The following S100Z variants were observed in gnomAD, a reference collection of about 807,000 sequenced individuals.
S100Z encodes the protein protein S100-Z.
Under a neutral mutation model 8.5 loss-of-function variants are expected in S100Z, and 11 were observed. The ratio of observed to expected loss-of-function variants is 1.30; its 90% CI spans 0.82 to 2.15. The LOEUF is 2.15. Ranked by LOEUF, S100Z falls within the 30% of genes most tolerant of loss-of-function variation. The pLI, the probability that S100Z is intolerant of heterozygous loss-of-function variation, is 0.00. For missense variants in S100Z, 126 were observed against 117.9 expected, an observed-to-expected ratio of 1.07 and a Z score of -0.32; for synonymous variants, 34 against 43.8, an observed-to-expected ratio of 0.78 and a Z score of 0.89.
the S100Z span, among the ~76,000 whole-genome samples, chr5:76,944,011 T>A: frequency 0.013 from 2,028 of 152,316 alleles, 44 homozygotes; most frequent in African/African-American, 0.046. Context: ...GACTGAGTTT[T>A]TTTTTTGGCA....
the S100Z span, among the ~76,000 whole-genome samples, chr5:76,936,904 C>A: frequency 6.6e-6 from 1 of 152,138 alleles, no homozygotes; most frequent in South Asian, 2.1e-4. Context: ...AAGAGACGGT[C>A]TCTCCTTCGT....
chr5:76,936,464 A>G, the S100Z span, among the ~76,000 whole-genome samples: 3 of 152,012 alleles, frequency 2.0e-5, no homozygotes, highest in Non-Finnish European at 4.4e-5. Flanking sequence ...TTTCTTTTTT[A>G]TTTATATTTT....
intron 4 of S100Z, among the ~76,000 whole-genome samples, chr5:76,904,302 C>T (rs1404075129): frequency 6.6e-6 from 1 of 152,084 alleles, no homozygotes; most frequent in African/African-American, 2.4e-5. Flanking sequence ...TCAAGTGATC[C>T]TCCCACCTCA....
At chr5:76,860,091 G>A (rs1561222357) in intron 1 of S100Z, among the ~76,000 whole-genome samples, 1 of 152,170 alleles carries the variant, frequency 6.6e-6, no homozygotes, top group Admixed American at 6.5e-5. Flanking sequence ...GTTGACTCTA[G>A]ATGCTGAGGC....
At chr5:76,912,935 A>T (rs1561250413) in intron 4 of S100Z, among the ~76,000 whole-genome samples, 1 of 95,454 alleles carries the variant, frequency 1.0e-5, no homozygotes, top group African/African-American at 4.0e-5. Flanking sequence ...AGTCAGAGAG[A>T]CAGAGAGAGT....
chr5:76,936,486 T>A, the S100Z span, among the ~76,000 whole-genome samples: 2 of 152,196 alleles, frequency 1.3e-5, no homozygotes, highest in Middle Eastern at 6.8e-3. Context: ...AACAATTTTT[T>A]AAAACCATGA....
intron 1 of S100Z, among the ~76,000 whole-genome samples, chr5:76,865,239 T>TA (rs1561225047): frequency 2.4e-5 from 3 of 123,470 alleles, no homozygotes; most frequent in African/African-American, 6.4e-5. Context: ...GTGTCCTAGC[T>TA]CTTTTTTTTT....
At chr5:76,916,803 T>G (rs1331843247) in intron 4 of S100Z, among the ~76,000 whole-genome samples, 3 of 152,162 alleles carry the variant, frequency 2.0e-5, no homozygotes, top group Non-Finnish European at 4.4e-5. Context: ...GAGGCAAAGT[T>G]ATAGCATGAA....
At chr5:76,891,108 C>A (rs368706436) in intron 4 of S100Z, among the ~76,000 whole-genome samples, 2 of 152,144 alleles carry the variant, frequency 1.3e-5, no homozygotes, top group East Asian at 3.9e-4. Context: ...GTGATCTGCC[C>A]GCCTTGGGCT....
chr5:76,874,985 C>T (rs1328572770), intron 2 of S100Z, among the ~76,000 whole-genome samples: 1 of 152,008 alleles, frequency 6.6e-6, no homozygotes. Flanking sequence ...CCCGGGTTCA[C>T]GCCGTTCTCC....
At chr5:76,923,856 A>G (rs1172739410), downstream of S100Z, among the ~76,000 whole-genome samples, 1 of 152,126 alleles carries the variant, frequency 6.6e-6, no homozygotes, top group Non-Finnish European at 1.5e-5. Flanking sequence ...AAGAAATGAC[A>G]CTCCAAAATA....
the S100Z span, among the ~76,000 whole-genome samples, chr5:76,942,100 T>C: frequency 1.3e-5 from 2 of 151,906 alleles, no homozygotes; most frequent in African/African-American, 2.4e-5. Flanking sequence ...GGACCTACCA[T>C]ATAAATATTA....
chr5:76,936,616 T>TACACACACACACACACACACAC, the S100Z span, among the ~76,000 whole-genome samples: 2 of 134,068 alleles, frequency 1.5e-5, no homozygotes, highest in African/African-American at 5.6e-5. Flanking sequence ...TTAAAGTTCC[T>TACACACACACACACACACACAC]ACACACACAC....
At chr5:76,883,073 C>G (rs1294896398) in intron 4 of S100Z, among the ~76,000 whole-genome samples, 2 of 152,098 alleles carry the variant, frequency 1.3e-5, no homozygotes, top group Non-Finnish European at 2.9e-5. Context: ...AAAGGCCATG[C>G]TGTAACAGGC....
intron 2 of S100Z, 65 bp from the exon 3 acceptor site, chr5:76,875,239 G>A: frequency 1.1e-6 from 1 of 902,466 alleles, no homozygotes; most frequent in Non-Finnish European, 1.6e-6. Flanking sequence ...AGCTGACTCG[G>A]GGGATTGTAA....
intron 4 of S100Z, among the ~76,000 whole-genome samples, chr5:76,891,988 A>G (rs1743877370): frequency 6.6e-6 from 1 of 152,174 alleles, no homozygotes; most frequent in Non-Finnish European, 1.5e-5. Context: ...TAGGATTTGC[A>G]GTTTTTCCAA....
intron 2 of S100Z, 66 bp from the exon 3 acceptor site, chr5:76,875,238 G>A (rs1320309): frequency 0.6 from 525,070 of 877,452 alleles, 161,428 homozygotes; most frequent in Non-Finnish European, 0.64. Context: ...GAGCTGACTC[G>A]GGGGATTGTA....
chr5:76,934,231 A>C, the S100Z span, among the ~76,000 whole-genome samples: 2 of 152,328 alleles, frequency 1.3e-5, no homozygotes, highest in South Asian at 2.1e-4. Flanking sequence ...TGAGTGCTTA[A>C]AAAACACAGA....
chr5:76,909,141 C>A (rs1744560948), intron 4 of S100Z, among the ~76,000 whole-genome samples: 1 of 152,116 alleles, frequency 6.6e-6, no homozygotes, highest in Non-Finnish European at 1.5e-5. Flanking sequence ...ACAGCTATTC[C>A]AATCAGCAGG....
Sources: allele counts gnomAD v4.1 joint callset (sites outside exome capture counted in the v4.1 genomes callset), GRCh38; gene constraint gnomAD v4.1.1; transcripts MANE v1.5; gene names NCBI Gene and HGNC (gene_info 2026-07-23, HGNC 2026-07-21).